The following LAMA4 variants were observed in gnomAD, a reference collection of about 807,000 sequenced individuals.
LAMA4 encodes the protein laminin subunit alpha 4.
A neutral mutation model predicts 207.1 loss-of-function variants in LAMA4; 127 were observed. That is an observed-to-expected ratio of 0.61 (90% CI 0.53 to 0.71). LAMA4 has a LOEUF of 0.71. Among genes scored for constraint, LAMA4 ranks in the 30% least tolerant of loss-of-function variants. LAMA4 has a pLI of 0.00. For synonymous variants in LAMA4, 761 were observed against 816.0 expected (o/e 0.93, Z 1.15); for missense variants, 2,093 against 2,246.5 (o/e 0.93, Z 1.38).
At chr6:112,250,872 T>C (rs1231503152) in intron 2 of LAMA4, among the ~76,000 whole-genome samples, 3 of 152,248 alleles carry the variant, frequency 2.0e-5, no homozygotes, top group Admixed American at 2.0e-4. Context: ...CACCAGTTCT[T>C]TTCCATATCT....
intron 9 of LAMA4, among the ~76,000 whole-genome samples, chr6:112,181,963 G>A (rs1554345384): frequency 6.6e-6 from 1 of 152,092 alleles, no homozygotes; most frequent in Non-Finnish European, 1.5e-5. Context: ...CGGACGTGGT[G>A]GCACATGCCT....
chr6:112,227,054 T>TTTATTTA (rs1464219174), intron 2 of LAMA4, among the ~76,000 whole-genome samples: 1 of 147,106 alleles, frequency 6.8e-6, no homozygotes, highest in African/African-American at 2.6e-5. Flanking sequence ...TATTTATTTA[T>TTTATTTA]TTATTTATTT....
chr6:112,122,333 G>T (rs1403407243), intron 31 of LAMA4, 132 bp from the exon 32 acceptor site: 1 of 701,264 alleles, frequency 1.4e-6, no homozygotes, highest in African/African-American at 1.8e-5. Flanking sequence ...GGAACATTAG[G>T]TCCCCTCTCT....
At chr6:112,167,172 A>G (rs1399587695) in intron 12 of LAMA4, among the ~76,000 whole-genome samples, 3 of 152,222 alleles carry the variant, frequency 2.0e-5, no homozygotes, top group African/African-American at 7.2e-5. Flanking sequence ...GTTTTGTATG[A>G]TAACTGAAAT....
At chr6:112,253,904 C>A (rs782397650) in intron 2 of LAMA4, 52 bp downstream of exon 2, 7 of 1,613,468 alleles carry the variant, frequency 4.3e-6, no homozygotes, top group African/African-American at 1.3e-5. Flanking sequence ...TGTGGCACAG[C>A]CCGCGGGGGC....
intron 9 of LAMA4, chr6:112,179,700 GC>G (rs34879225): frequency 4.6e-6 from 1 of 217,846 alleles, no homozygotes; most frequent in East Asian, 1.4e-4. Flanking sequence ...CAAGCAAGTG[GC>G]CCTCTCAGAT....
At chr6:112,216,539 A>C in intron 2 of LAMA4, 70 bp from the exon 3 acceptor site, 1 of 1,015,594 alleles carries the variant, frequency 9.8e-7, no homozygotes, top group Non-Finnish European at 1.6e-6. Flanking sequence ...TCTGAGAAGA[A>C]ATCAGAGAAA....
intron 2 of LAMA4, among the ~76,000 whole-genome samples, chr6:112,225,007 T>C (rs1473314947): frequency 1.3e-5 from 2 of 151,670 alleles, no homozygotes; most frequent in Admixed American, 1.3e-4. Context: ...GTGGTTCATC[T>C]TCTGCTGCTT....
intron 2 of LAMA4, chr6:112,234,181 C>CATTTTA (rs1785737762): frequency 6.6e-6 from 1 of 151,750 alleles, no homozygotes; most frequent in Non-Finnish European, 1.5e-5. Flanking sequence ...TTTCATTCTG[C>CATTTTA]CGTTTGATGC....
intron 10 of LAMA4, among the ~76,000 whole-genome samples, chr6:112,177,915 C>A (rs1554344293): frequency 1.3e-5 from 2 of 152,154 alleles, no homozygotes; most frequent in South Asian, 4.1e-4. Flanking sequence ...TATTGAACAT[C>A]AACAGATAGT....
At chr6:112,168,387 T>A in intron 12 of LAMA4, among the ~76,000 whole-genome samples, 1 of 143,532 alleles carries the variant, frequency 7.0e-6, no homozygotes, top group South Asian at 2.3e-4. Flanking sequence ...CTCTTGTCAC[T>A]CAGGCTAGAG....
intron 6 of LAMA4, among the ~76,000 whole-genome samples, chr6:112,190,939 CTTTCTTTCCTT>C: frequency 2.2e-5 from 1 of 45,974 alleles, no homozygotes; most frequent in Non-Finnish European, 4.1e-5. Context: ...TTCTTTCTTT[CTTTCTTTCCTT>C]TCTTTCTTTC....
intron 25 of LAMA4, chr6:112,135,913 A>G (rs1779310899): frequency 2.0e-6 from 1 of 498,330 alleles, no homozygotes; most frequent in African/African-American, 2.0e-5. Context: ...TGACTTTTAA[A>G]TTGGAACATC....
At chr6:112,164,204 G>A (rs1473000559) in intron 13 of LAMA4, 2 of 152,254 alleles carry the variant, frequency 1.3e-5, no homozygotes, top group Non-Finnish European at 2.9e-5. Context: ...AGGGTATTTT[G>A]AAAGAATTAT....
chr6:112,112,455 G>A (rs1554321890), intron 38 of LAMA4, among the ~76,000 whole-genome samples: 1 of 152,192 alleles, frequency 6.6e-6, no homozygotes, highest in African/African-American at 2.4e-5. Flanking sequence ...ATTTAATCCT[G>A]GAGGCTCTTG....
chr6:112,137,678 TA>T (rs1779435757), intron 24 of LAMA4, among the ~76,000 whole-genome samples: 1 of 152,232 alleles, frequency 6.6e-6, no homozygotes, highest in Non-Finnish European at 1.5e-5. Context: ...ATAGAATATT[TA>T]CACTCATTTT....
chr6:112,235,449 G>A (rs1785851368), intron 2 of LAMA4, among the ~76,000 whole-genome samples: 1 of 152,050 alleles, frequency 6.6e-6, no homozygotes, highest in Admixed American at 6.6e-5. Context: ...GGTCATGGAG[G>A]GGTACAAGTG....
chr6:112,169,508 T>G (rs1356030368), intron 12 of LAMA4, among the ~76,000 whole-genome samples: 2 of 152,202 alleles, frequency 1.3e-5, no homozygotes, highest in Non-Finnish European at 2.9e-5. Flanking sequence ...TTTTAAGGAC[T>G]GAAGCAGTGA....
At position 112,175,332 on chromosome 6, in the gene LAMA4, C is replaced by T. The variant is rs566902248; in HGVS notation, c.1338G>A (p.Glu446=). 6.8e-6 allele frequency: 11 copies of T among 1,614,150 alleles called. No homozygotes were observed. The African/African-American group carries it at 1.1e-4, about 16-fold the overall frequency. The change falls in exon 11 of 39, where the codon GAG becomes GAA. Residue 446 remains glutamate (E), a synonymous_variant. Coordinates refer to ENST00000230538, the MANE Select transcript of LAMA4 (RefSeq NM_001105206.3). ...ACCTACGTTCGTAAGCCTCATCTGC[C>T]TCCTCATCCACGAGCTCCCGTTGGG... ...FFTQRELVDE[E]ADEAYELLSQ... is the part of the protein sequence containing the mutation.
Sources: gnomAD v4.1 joint callset for allele counts (sites outside exome capture counted in the v4.1 genomes callset) on GRCh38, gnomAD v4.1.1 for gene constraint, MANE v1.5 for transcripts, NCBI Gene and HGNC (gene_info 2026-07-23, HGNC 2026-07-21) for gene names.